DLC1: variants seen among roughly 807,000 people sequenced by gnomAD.
DLC1 encodes rho GTPase-activating protein 7.
DLC1 carries 54 observed loss-of-function variants against 140.3 expected under a neutral mutation model. That is an observed-to-expected ratio of 0.38 (90% CI 0.31 to 0.48). The LOEUF (loss-of-function observed/expected upper bound fraction) is 0.48. Ranked by LOEUF, DLC1 falls within the 20% of genes least tolerant of loss-of-function variation. The probability of loss-of-function intolerance (pLI) is 0.96; values close to 1 mark genes in which losing one functional copy is unlikely to be tolerated. For synonymous variants in DLC1, 986 were observed against 728.1 expected, an observed-to-expected ratio of 1.35 and a Z score of -5.70; for missense variants, 2,536 against 1,907.0, an observed-to-expected ratio of 1.33 and a Z score of -6.14.
In DLC1 at chr8:13,393,134, GTCCATCCATCCATCCA is replaced by G. The variant is rs200774562; in HGVS notation, c.1314+403_1314+418del. The stretch of plus-strand genomic sequence containing the variant: ...TCCTTATCAATCAATCAGTCTATCT[GTCCATCCATCCATCCA>G]TCCATCCATCCATCATCATCTGTCG... On this transcript the variant is annotated intron_variant, in intron 4 of 17. Transcript: ENST00000276297. 1.7e-3 allele frequency among the ~76,000 whole-genome samples: 253 copies of G among 151,526 alleles called. 2 individuals carry two copies. In the Middle Eastern group the frequency reaches 0.024, roughly 14 times the overall value.
At chr8:13,092,575 G>GC in intron 13 of DLC1, 37 bp downstream of exon 13, 1 of 1,581,084 alleles carries the variant, frequency 6.3e-7, no homozygotes, top group Non-Finnish European at 8.6e-7. Flanking sequence ...AATGTAGGCT[G>GC]CCCCCTGTGT....
intron 4 of DLC1, among the ~76,000 whole-genome samples, chr8:13,389,979 C>T (rs1171392379): frequency 1.3e-5 from 2 of 152,130 alleles, no homozygotes; most frequent in African/African-American, 2.4e-5. Context: ...AAGAACAGCT[C>T]TGTAGGATAT....
intron 1 of DLC1, among the ~76,000 whole-genome samples, chr8:13,556,349 C>T (rs1804044756): frequency 6.6e-6 from 1 of 152,140 alleles, no homozygotes; most frequent in Non-Finnish European, 1.5e-5. Context: ...GCTGGAATCA[C>T]CTGGCAATCC....
intron 3 of DLC1, among the ~76,000 whole-genome samples, chr8:13,400,296 T>C (rs17816727): frequency 0.061 from 9,308 of 152,224 alleles, 342 homozygotes; most frequent in African/African-American, 0.074. Context: ...GCGGTACTTC[T>C]TATATACATT....
chr8:13,554,913 T>C (rs1362736183), intron 1 of DLC1, among the ~76,000 whole-genome samples: 1 of 152,238 alleles, frequency 6.6e-6, no homozygotes, highest in African/African-American at 2.4e-5. Flanking sequence ...CCTACATGAT[T>C]GGGTTTTCAC....
chr8:13,455,834 C>A (rs189609340), intron 2 of DLC1, among the ~76,000 whole-genome samples: 5 of 152,236 alleles, frequency 3.3e-5, no homozygotes, highest in Admixed American at 6.5e-5. Flanking sequence ...TATGACCATG[C>A]CACTGCACTC....
chr8:13,372,110 C>T (rs1835756862), intron 4 of DLC1, among the ~76,000 whole-genome samples: 3 of 151,788 alleles, frequency 2.0e-5, no homozygotes, highest in South Asian at 4.2e-4. Flanking sequence ...CAACTCGTTA[C>T]CATTTACATT....
chr8:13,518,323 G>C (rs1040929164), upstream of DLC1, among the ~76,000 whole-genome samples: 1 of 152,118 alleles, frequency 6.6e-6, no homozygotes, highest in African/African-American at 2.4e-5. Flanking sequence ...TGGCCAGGGT[G>C]GTCTTAAACT....
At chr8:13,331,326 T>A (rs73216393) in intron 4 of DLC1, among the ~76,000 whole-genome samples, 8,394 of 152,248 alleles carry the variant, frequency 0.055, 287 homozygotes, top group South Asian at 0.14. Context: ...GATTCTTTTT[T>A]GCTCAGAGAT....
intron 5 of DLC1, among the ~76,000 whole-genome samples, chr8:13,275,137 T>C (rs17128171): frequency 0.011 from 1,633 of 152,334 alleles, 109 homozygotes; most frequent in Admixed American, 0.086. Context: ...TCCTGGGGAA[T>C]ATTGTTTAGT....
intron 5 of DLC1, among the ~76,000 whole-genome samples, chr8:13,255,130 C>A (rs559555419): frequency 6.6e-6 from 1 of 152,176 alleles, no homozygotes; most frequent in East Asian, 1.9e-4. Context: ...GTGCGTGCCA[C>A]CACGCCCAGC....
At chr8:13,484,479 T>G (rs1447336510) in intron 2 of DLC1, among the ~76,000 whole-genome samples, 1 of 152,196 alleles carries the variant, frequency 6.6e-6, no homozygotes, top group African/African-American at 2.4e-5. Flanking sequence ...CCTGGACTGA[T>G]TCTCTTTAGT....
chr8:13,245,930 G>C (rs1178099514), intron 5 of DLC1, among the ~76,000 whole-genome samples: 1 of 152,100 alleles, frequency 6.6e-6, no homozygotes, highest in Non-Finnish European at 1.5e-5. Flanking sequence ...TTGAACTCCT[G>C]ACCTCAAGTG....
intron 5 of DLC1, among the ~76,000 whole-genome samples, chr8:13,260,188 T>C (rs1830418155): frequency 6.6e-6 from 1 of 152,102 alleles, no homozygotes; most frequent in Non-Finnish European, 1.5e-5. Context: ...TGCCTGGAAA[T>C]TGCATGATCT....
chr8:13,474,765 A>G (rs1226361006), intron 2 of DLC1, among the ~76,000 whole-genome samples: 1 of 152,154 alleles, frequency 6.6e-6, no homozygotes, highest in African/African-American at 2.4e-5. Flanking sequence ...TGGATTTCGG[A>G]CTTGCAAGGG....
intron 5 of DLC1, among the ~76,000 whole-genome samples, chr8:13,296,715 C>G (rs902755998): frequency 4.0e-5 from 6 of 151,878 alleles, no homozygotes; most frequent in African/African-American, 1.4e-4. Context: ...TGGGAGGTTT[C>G]TGCTTTCAAG....
At chr8:13,169,800 G>T (rs1201956791) in intron 5 of DLC1, among the ~76,000 whole-genome samples, 1 of 152,064 alleles carries the variant, frequency 6.6e-6, no homozygotes, top group African/African-American at 2.4e-5. Flanking sequence ...AAGGTGGGGG[G>T]GTTGTTTAAG....
chr8:13,261,681 G>T (rs1315770993), intron 5 of DLC1, among the ~76,000 whole-genome samples: 1 of 152,104 alleles, frequency 6.6e-6, no homozygotes, highest in Non-Finnish European at 1.5e-5. Flanking sequence ...GCATTTGCAG[G>T]TACAGATGAT....
At chr8:13,347,233 A>T (rs1411588620) in intron 4 of DLC1, among the ~76,000 whole-genome samples, 4 of 152,210 alleles carry the variant, frequency 2.6e-5, no homozygotes, top group Admixed American at 1.3e-4. Context: ...ACAGAGAGAA[A>T]CAAGTATGTG....
Sources: allele counts gnomAD v4.1 joint callset (sites outside exome capture counted in the v4.1 genomes callset), GRCh38; gene constraint gnomAD v4.1.1; transcripts MANE v1.5; gene names NCBI Gene and HGNC (gene_info 2026-07-23, HGNC 2026-07-21).